The following GPATCH1 variants were observed in gnomAD, a reference collection of about 807,000 sequenced individuals.
The protein encoded by GPATCH1 is G-patch domain containing 1.
GPATCH1 carries 73 observed loss-of-function variants against 114.9 expected under a neutral mutation model. That is an observed-to-expected ratio of 0.64 (90% CI 0.53 to 0.77). The LOEUF (loss-of-function observed/expected upper bound fraction) is 0.77. Ranked by LOEUF, GPATCH1 falls within the 30% of genes least tolerant of loss-of-function variation. GPATCH1 has a pLI of 0.00. For synonymous variants in GPATCH1, 391 were observed against 428.4 expected, an observed-to-expected ratio of 0.91 and a Z score of 1.08; for missense variants, 1,058 against 1,144.3, an observed-to-expected ratio of 0.92 and a Z score of 1.09.
chr19:33,129,043 C>T (rs1226883439), intron 19 of GPATCH1, among the ~76,000 whole-genome samples: 1 of 151,582 alleles, frequency 6.6e-6, no homozygotes, highest in Non-Finnish European at 1.5e-5. Context: ...GTCAGGAAAT[C>T]GAGACTATCC....
intron 17 of GPATCH1, 150 bp from the exon 18 acceptor site, chr19:33,124,955 G>A: frequency 1.3e-6 from 1 of 743,150 alleles, no homozygotes; most frequent in Non-Finnish European, 2.2e-6. Context: ...TCTCAGTGAG[G>A]CAGAAGCTAA....
chr19:33,087,863 T>C (rs1599849635), intron 1 of GPATCH1, among the ~76,000 whole-genome samples: 1 of 151,916 alleles, frequency 6.6e-6, no homozygotes, highest in African/African-American at 2.4e-5. Flanking sequence ...TTTGTATTTG[T>C]TAGTAGAGCC....
intron 19 of GPATCH1, among the ~76,000 whole-genome samples, chr19:33,127,400 C>T (rs891051934): frequency 6.6e-6 from 1 of 151,556 alleles, no homozygotes; most frequent in Non-Finnish European, 1.5e-5. Context: ...CCTGTAGTTC[C>T]AGCTGCTGGG....
chr19:33,107,455 A>G (rs1340230685), intron 10 of GPATCH1, among the ~76,000 whole-genome samples: 3 of 152,180 alleles, frequency 2.0e-5, no homozygotes, highest in Non-Finnish European at 2.9e-5. Context: ...TTATCAGGGA[A>G]TGTGGTTAAG....
intron 1 of GPATCH1, among the ~76,000 whole-genome samples, chr19:33,087,620 T>C (rs1599849438): frequency 1.3e-5 from 2 of 152,076 alleles, no homozygotes; most frequent in East Asian, 3.8e-4. Flanking sequence ...CCCCAGCTTC[T>C]GCGCCCTTCA....
chr19:33,083,102 G>T (rs373748688), intron 1 of GPATCH1, among the ~76,000 whole-genome samples: 1 of 136,218 alleles, frequency 7.3e-6, no homozygotes, highest in Admixed American at 7.1e-5. Context: ...TTAGCTGGGC[G>T]TGGTGGGGGG....
rs115922396 is a variant in GPATCH1, at chr19:33,118,737, C to T, written c.2414-273C>T. Among the ~76,000 whole-genome samples, 956 of 152,232 alleles carry T rather than the reference C, an allele frequency of 6.3e-3. 9 individuals are homozygous for T. Among genetic ancestry groups the T allele is most frequent in the African/African-American group, 0.022 (898 of 41,546 alleles). ...ATTTCTACTTTTCAGGTCTTAGGGG[C>T]GCTAGGCTACGTGCCCACGGGTGCA... On this transcript the variant is annotated intron_variant, in intron 16 of 19. Coordinates refer to ENST00000170564, the MANE Select transcript of GPATCH1 (RefSeq NM_018025.3).
chr19:33,108,007 G>A (rs1052359808), intron 10 of GPATCH1, among the ~76,000 whole-genome samples: 1 of 151,540 alleles, frequency 6.6e-6, no homozygotes, highest in African/African-American at 2.4e-5. Flanking sequence ...CCGCTTCCCC[G>A]GGAGGCCTAA....
intron 15 of GPATCH1, 60 bp from the exon 16 acceptor site, chr19:33,117,765 T>C: frequency 1.7e-6 from 2 of 1,178,834 alleles, no homozygotes; most frequent in Non-Finnish European, 2.5e-6. Flanking sequence ...TATTCTAGAA[T>C]GTCTCCTCCC....
chr19:33,104,175 C>CAAA (rs778465436), intron 9 of GPATCH1, among the ~76,000 whole-genome samples: 1 of 125,502 alleles, frequency 8.0e-6, no homozygotes, highest in Non-Finnish European at 1.7e-5. Context: ...ACAAAAAATA[C>CAAA]AAAAAAAAAA....
intron 10 of GPATCH1, among the ~76,000 whole-genome samples, chr19:33,107,401 C>T (rs1972797940): frequency 6.6e-6 from 1 of 152,196 alleles, no homozygotes. Context: ...TCATTCAAAT[C>T]ACAACTTTTG....
intron 17 of GPATCH1, among the ~76,000 whole-genome samples, chr19:33,123,972 G>A (rs1184300840): frequency 6.6e-6 from 1 of 151,794 alleles, no homozygotes; most frequent in African/African-American, 2.4e-5. Flanking sequence ...TCCTGCCTCA[G>A]CCTCCTGAGT....
intron 3 of GPATCH1, among the ~76,000 whole-genome samples, chr19:33,091,413 C>CAAAAA (rs1184888892): frequency 2.7e-3 from 119 of 44,626 alleles, no homozygotes; most frequent in Non-Finnish European, 3.7e-3. Context: ...GACTCCGTCT[C>CAAAAA]AAAAAAAAAA....
At position 33,117,977 on chromosome 19, in the gene GPATCH1, T is replaced by C; in HGVS notation, c.2349T>C (p.Ser783=). The change falls in exon 16 of 20, where the codon TCT becomes TCC. Residue 783 remains serine (S), a synonymous_variant. Coordinates refer to ENST00000170564, the MANE Select transcript of GPATCH1 (RefSeq NM_018025.3). ...QGDSEDDQAG[S]GEANFQSSQD... is the part of the protein sequence containing the mutation. ...ACAGTGAAGATGATCAGGCAGGCTC[T>C]GGGGAGGCCAACTTCCAAAGCTCCC... 1 of 1,613,874 alleles carries C rather than the reference T, an allele frequency of 6.2e-7. No homozygotes were observed. The highest frequency in any genetic ancestry group is 8.5e-7 in the Non-Finnish European group (1 of 1,179,974).
intron 17 of GPATCH1, among the ~76,000 whole-genome samples, chr19:33,124,728 A>G (rs1018015611): frequency 6.6e-6 from 1 of 152,118 alleles, no homozygotes; most frequent in Admixed American, 6.6e-5. Flanking sequence ...GTCGAAGATC[A>G]CAGTGCTGGC....
rs1403399785 is a variant in GPATCH1, at chr19:33,117,852, G to T, written c.2224G>T (p.Ala742Ser). 1 of 1,613,682 alleles carries T rather than the reference G, an allele frequency of 6.2e-7. No homozygotes were observed. ...CGTCAACAAAGATGTGGACGCACAG[G>T]CTGAAGGAGAAGGGAGCCGCCCATC... ...QTVNKDVDAQ[A>S]EGEGSRPSMD... Residue 742 changes from alanine to serine, a missense_variant, in exon 16 of 20, where the codon GCT becomes TCT. Around this residue, in one of 3 missense-constraint regions of GPATCH1, gnomAD observed 893 missense variants for 977.4 expected, o/e 0.91. Coordinates refer to ENST00000170564, the MANE Select transcript of GPATCH1 (RefSeq NM_018025.3).
chr19:33,100,218 G>T (rs1020828080), intron 8 of GPATCH1: 1 of 151,930 alleles, frequency 6.6e-6, no homozygotes, highest in Non-Finnish European at 1.5e-5. Flanking sequence ...TGGGTTTTGA[G>T]ATAATACAAG....
Position 33,109,993 on chromosome 19 carries a change from T to G in GPATCH1, c.1562T>G (p.Val521Gly), listed in dbSNP as rs1262700397. ...CAAAAGCGATACGACGAGTTCTTAGTACACATGAAACAGGGTCAGAAAGGT... is the reference window on the plus strand; with the variant it reads ...CAAAAGCGATACGACGAGTTCTTAGGACACATGAAACAGGGTCAGAAAGGT... Reference protein sequence around the residue: ...EKQKRYDEFLVHMKQGQKDAL... With the variant: ...EKQKRYDEFLGHMKQGQKDAL... Residue 521 changes from valine (V) to glycine (G), a missense_variant, in exon 11 of 20, where the codon GTA becomes GGA. Val to Gly is a moderately radical substitution (Grantham distance 109). Transcript: ENST00000170564. The G allele has an allele frequency of 1.2e-6, 2 of 1,611,522 alleles. No individual in the cohort carries two copies. Among genetic ancestry groups the G allele is most frequent in the Non-Finnish European group, 1.7e-6 (2 of 1,178,406 alleles).
intron 17 of GPATCH1, among the ~76,000 whole-genome samples, chr19:33,121,945 GA>G (rs1197105378): frequency 1.3e-5 from 2 of 152,108 alleles, no homozygotes; most frequent in African/African-American, 2.4e-5. Flanking sequence ...AAAAAGCAGA[GA>G]AAAAAAGTAT....
Sources: allele counts gnomAD v4.1 joint callset (sites outside exome capture counted in the v4.1 genomes callset), GRCh38; gene constraint gnomAD v4.1.1; regional missense constraint gnomAD v4.1.1; transcripts MANE v1.5; gene names NCBI Gene and HGNC (gene_info 2026-07-23, HGNC 2026-07-21).